PLD6: variants seen among roughly 807,000 people sequenced by gnomAD.
PLD6 encodes mitochondrial cardiolipin hydrolase.
In PLD6, 10 loss-of-function variants were observed where a neutral mutation model predicts 9.7. The ratio of observed to expected loss-of-function variants is 1.03; its 90% CI spans 0.64 to 1.75. The LOEUF is 1.75. PLD6 is among the 40% of genes most tolerant of loss of function. The pLI is 0.00. For missense variants in PLD6, 334 were observed against 347.6 expected, an observed-to-expected ratio of 0.96 and a Z score of 0.31; for synonymous variants, 152 against 159.2, an observed-to-expected ratio of 0.96 and a Z score of 0.34.
Position 17,202,372 on chromosome 17 carries a change from T to C in PLD6, c.*395A>G. Reference sequence around the variant, plus strand: ...CAGTCGTGCCACATGGAGAGAGGGATGAAATCTCAGGGAGATGCTGAAAGG... The same window carrying C: ...CAGTCGTGCCACATGGAGAGAGGGACGAAATCTCAGGGAGATGCTGAAAGG... On this transcript the variant is annotated 3_prime_UTR_variant, in exon 2 of 2. Transcript: ENST00000321560. The C allele has an allele frequency of 4.9e-6, 1 of 203,114 alleles. No individual in the cohort carries two copies. Among genetic ancestry groups the C allele is most frequent in the East Asian group, 1.2e-4 (1 of 8,672 alleles). 12.6% of individuals were successfully genotyped at this position (203,114 alleles called of 1,614,324 possible). A position where few individuals can be genotyped will look rare whatever the true frequency, so the allele number is the denominator to read the frequency against.
In PLD6 at chr17:17,206,230, AG is replaced by A; in HGVS notation, c.56del (p.Thr19IlefsTer30). 4 of 1,545,034 alleles carry A rather than the reference AG, an allele frequency of 2.6e-6. No homozygotes were observed. Among genetic ancestry groups the A allele is most frequent in the Non-Finnish European group, 3.5e-6 (4 of 1,156,684 alleles). On this transcript the variant is annotated frameshift_variant, in exon 1 of 2. Transcript: ENST00000321560. LOFTEE classifies it high-confidence loss of function. ...AAAAAVGLAL[T>X]LEALPWVLRW... ...GCAGCACCCAAGGCAGCGCCTCCAG[AG>A]TCAGAGCCAGGCCCACAGCCGCCGC...
Position 17,205,907 on chromosome 17 carries a change from T to C in PLD6, c.380A>G (p.Asp127Gly). The part of the protein sequence containing the change: ...GVRVRVVTDC[D>G]YMALNGSQIG... ...TTGCGAGCCGTTGAGGGCCATGTAG[T>C]CGCAGTCGGTGACGACCCGCACTCG... is the stretch of plus-strand genomic sequence containing the variant. Residue 127 changes from aspartate to glycine, a missense_variant, in exon 1 of 2, where the codon GAC (aspartate) becomes GGC (glycine). Physicochemically the swap from Asp to Gly is moderately conservative, Grantham distance 94 (BLOSUM62 -1). Coordinates refer to ENST00000321560, the MANE Select transcript of PLD6 (RefSeq NM_178836.4). The C allele has an allele frequency of 1.3e-6, 2 of 1,574,420 alleles. 1 individual carries two copies. Among genetic ancestry groups the C allele is most frequent in the Middle Eastern group, 3.3e-4 (2 of 6,016 alleles).
chr17:17,202,648 T>G lies in PLD6; in HGVS notation c.*119A>C. On this transcript the variant is annotated 3_prime_UTR_variant, in exon 2 of 2. Coordinates refer to ENST00000321560, the MANE Select transcript of PLD6 (RefSeq NM_178836.4). ...GAAATTTCCCTTTCCTAACCTTCTT[T>G]AGTTCAATTTAGTATTCTAATAGAC... 1.0e-6 allele frequency: 1 copy of G among 982,108 alleles called. No individual in the cohort carries two copies. Among genetic ancestry groups the G allele is most frequent in the Non-Finnish European group, 1.5e-6 (1 of 669,452 alleles). The allele number at this position is 982,108 out of a possible 1,614,324, so 60.8% of individuals were successfully genotyped here.
At position 17,202,692 on chromosome 17, in the gene PLD6, T is replaced by C. The variant is rs138353668; in HGVS notation, c.*75A>G. ...AATAGACGAGACTTTAGTTTAACGA[T>C]TTTTTTCTAGTGCCGAGGTCTCCCT... On this transcript the variant is annotated 3_prime_UTR_variant, in exon 2 of 2. Coordinates refer to ENST00000321560, the MANE Select transcript of PLD6 (RefSeq NM_178836.4). The C allele has an allele frequency of 1.3e-3, 1,829 of 1,408,648 alleles. 19 individuals are homozygous for C. The African/African-American group carries it at 0.023, about 17-fold the overall frequency. 87.3% of individuals were successfully genotyped at this position (1,408,648 alleles called of 1,614,324 possible). A position where few individuals can be genotyped will look rare whatever the true frequency, so the allele number is the denominator to read the frequency against.
In PLD6 at chr17:17,206,146, C is replaced by A; in HGVS notation, c.141G>T (p.Gln47His). ...GCAGCAGGGCCTCGGTACAGGTCAC[C>A]TGAGACGGGAAGAACAGCGCCTCGC... ...PRREALFFPSQVTCTEALLRA... is the reference protein window; with the variant it reads ...PRREALFFPSHVTCTEALLRA... Residue 47 changes from glutamine (Q) to histidine (H), a missense_variant, in exon 1 of 2, where the codon CAG becomes CAT. By Grantham distance (24) the Gln-to-His change is conservative. Transcript: ENST00000321560. 1 of 1,504,276 alleles carries A rather than the reference C, an allele frequency of 6.6e-7. No homozygotes were observed. The highest frequency in any genetic ancestry group is 8.8e-7 in the Non-Finnish European group (1 of 1,133,644). 93.2% of individuals were successfully genotyped at this position (1,504,276 alleles called of 1,614,324 possible). A position where few individuals can be genotyped will look rare whatever the true frequency, so the allele number is the denominator to read the frequency against.
rs967330821 is a variant in PLD6 at position 17,202,364 on chromosome 17, G to A, written c.*403C>T. The A allele has an allele frequency of 1.5e-5, 3 of 198,394 alleles. No homozygotes were observed. The highest frequency in any genetic ancestry group is 5.3e-5 in the Admixed American group (1 of 18,924). 12.3% of individuals were successfully genotyped at this position (198,394 alleles called of 1,614,324 possible). A position where few individuals can be genotyped will look rare whatever the true frequency, so the allele number is the denominator to read the frequency against. On this transcript the variant is annotated 3_prime_UTR_variant, in exon 2 of 2. Coordinates refer to ENST00000321560, the MANE Select transcript of PLD6 (RefSeq NM_178836.4). ...ACCAACCCCAGTCGTGCCACATGGAGAGAGGGATGAAATCTCAGGGAGATG... is the reference window on the plus strand; with the variant it reads ...ACCAACCCCAGTCGTGCCACATGGAAAGAGGGATGAAATCTCAGGGAGATG...
Position 17,201,218 on chromosome 17 carries a change from C to G in PLD6, c.*1549G>C, listed in dbSNP as rs2046671586. 6.6e-6 allele frequency: 1 copy of G among 152,258 alleles called. No individual in the cohort carries two copies. 9.4% of individuals were successfully genotyped at this position (152,258 alleles called of 1,614,324 possible). On this transcript the variant is annotated 3_prime_UTR_variant, in exon 2 of 2. Transcript: ENST00000321560. ...AACTTCCAAGCTGGCTTGCCTAACACTGTGAGTCAAAAGTAACCCTAAAAA... is the reference window on the plus strand; with the variant it reads ...AACTTCCAAGCTGGCTTGCCTAACAGTGTGAGTCAAAAGTAACCCTAAAAA...
intron 1 of PLD6, 31 bp from the exon 2 acceptor site, chr17:17,203,129 T>C (rs1167417898): frequency 3.1e-6 from 5 of 1,597,364 alleles, no homozygotes; most frequent in Non-Finnish European, 3.4e-6. Context: ...TTTCATTCCA[T>C]GCAGGAGTCC....
chr17:17,203,245 G>A (rs756758567), intron 1 of PLD6, 147 bp from the exon 2 acceptor site: 9 of 802,260 alleles, frequency 1.1e-5, no homozygotes, highest in Non-Finnish European at 1.4e-5. Context: ...TGGCGGCTAA[G>A]CTCCCAGGAG....
chr17:17,206,109 C>A lies in PLD6; in HGVS notation c.178G>T (p.Ala60Ser), dbSNP rs1690672612. The A allele has an allele frequency of 6.8e-7, 1 of 1,479,444 alleles. No homozygotes were observed. The highest frequency in any genetic ancestry group is 2.8e-5 in the East Asian group (1 of 35,724). The allele number at this position is 1,479,444 out of a possible 1,614,324, so 91.6% of individuals were successfully genotyped here. The change falls in exon 1 of 2, where the codon GCG (alanine) becomes TCG (serine). Residue 60 changes from alanine (A) to serine (S), a missense_variant. Physicochemically the swap from Ala to Ser is moderately conservative, Grantham distance 99. Transcript: ENST00000321560. ...CTEALLRAPG[A>S]ELAELPEGCP... ...CCCTCGGGGAGCTCGGCCAGCTCCG[C>A]GCCCGGAGCCCGCAGCAGGGCCTCG... is the stretch of plus-strand genomic sequence containing the variant.
chr17:17,202,544 G>A lies in PLD6; in HGVS notation c.*223C>T, dbSNP rs902782425. On this transcript the variant is annotated 3_prime_UTR_variant, in exon 2 of 2. Transcript: ENST00000321560. ...CGGACCACACTCATGAAAGCACCCC[G>A]TGGCAGGTCGTGACTGAAGTTATTT... 29 of 565,768 alleles carry A rather than the reference G, an allele frequency of 5.1e-5. No homozygotes were observed. Among genetic ancestry groups the A allele is most frequent in the African/African-American group, 1.3e-4 (7 of 53,240 alleles). 35.0% of individuals were successfully genotyped at this position (565,768 alleles called of 1,614,324 possible). A position where few individuals can be genotyped will look rare whatever the true frequency, so the allele number is the denominator to read the frequency against.
At chr17:17,203,623 C>A (rs999422561) in intron 1 of PLD6, among the ~76,000 whole-genome samples, 13 of 152,192 alleles carry the variant, frequency 8.5e-5, no homozygotes, top group Non-Finnish European at 1.5e-5. Context: ...TCTTCCGCAC[C>A]CCCCTGCTTC....
chr17:17,204,964 C>T (rs1194932027), intron 1 of PLD6, among the ~76,000 whole-genome samples: 1 of 152,134 alleles, frequency 6.6e-6, no homozygotes, highest in Non-Finnish European at 1.5e-5. Context: ...CACTGCCCAG[C>T]CTGGACAATT....
chr17:17,205,946 T>C lies in PLD6; in HGVS notation c.341A>G (p.His114Arg). The C allele has an allele frequency of 6.4e-7, 1 of 1,561,344 alleles. No individual in the cohort carries two copies. The highest frequency in any genetic ancestry group is 8.7e-7 in the Non-Finnish European group (1 of 1,154,018). Reference protein sequence around the residue: ...PQLGRAVQLLHQRGVRVRVVT... With the variant: ...PQLGRAVQLLRQRGVRVRVVT... ...GACCCGCACTCGCACCCCACGCTGG[T>C]GCAGCAACTGCACGGCGCGGCCCAG... The change falls in exon 1 of 2, where the codon CAC becomes CGC. Residue 114 changes from histidine to arginine, a missense_variant. By Grantham distance (29) the His-to-Arg change is conservative. Transcript: ENST00000321560.
chr17:17,204,766 G>C (rs996790645), intron 1 of PLD6, among the ~76,000 whole-genome samples: 1 of 152,164 alleles, frequency 6.6e-6, no homozygotes, highest in African/African-American at 2.4e-5. Context: ...AGCTCTTGTG[G>C]CTGCCCCAAA....
intron 1 of PLD6, among the ~76,000 whole-genome samples, chr17:17,204,074 C>A (rs753041333): frequency 9.9e-5 from 15 of 152,158 alleles, no homozygotes; most frequent in Non-Finnish European, 1.6e-4. Context: ...TCGGCACAGC[C>A]CTCCAAACAC....
Position 17,202,669 on chromosome 17 carries a change from T to C in PLD6, c.*98A>G, listed in dbSNP as rs767655024. ...TCTTTAGTTCAATTTAGTATTCTAA[T>C]AGACGAGACTTTAGTTTAACGATTT... is the stretch of plus-strand genomic sequence containing the variant. On this transcript the variant is annotated 3_prime_UTR_variant, in exon 2 of 2. Coordinates refer to ENST00000321560, the MANE Select transcript of PLD6 (RefSeq NM_178836.4). 2.1e-5 allele frequency: 24 copies of C among 1,165,372 alleles called. No individual in the cohort carries two copies. The highest frequency in any genetic ancestry group is 2.6e-5 in the Non-Finnish European group (21 of 821,812). The allele number at this position is 1,165,372 out of a possible 1,614,324, so 72.2% of individuals were successfully genotyped here. A position where few individuals can be genotyped will look rare whatever the true frequency, so the allele number is the denominator to read the frequency against.
chr17:17,205,396 G>A (rs2046708808), intron 1 of PLD6, among the ~76,000 whole-genome samples: 1 of 152,156 alleles, frequency 6.6e-6, no homozygotes, highest in Admixed American at 6.5e-5. Flanking sequence ...CTTCAGTCTG[G>A]AAGTCCAAGC....
In PLD6 at chr17:17,203,285, C is replaced by T. The variant is rs370282805; in HGVS notation, c.428-187G>A. ...GCTGAGAACCACAGAGGGGACATCA[C>T]ACACAGGGCCAGAGCGTCACACACA... On this transcript the variant is annotated intron_variant, in intron 1 of 1. Transcript: ENST00000321560. Among the ~76,000 whole-genome samples, 5 of 152,326 alleles carry T rather than the reference C, an allele frequency of 3.3e-5. No homozygotes were observed. The East Asian group carries it at 9.6e-4, about 29-fold the overall frequency.
Sources: gnomAD v4.1 joint callset for allele counts (sites outside exome capture counted in the v4.1 genomes callset) on GRCh38, gnomAD v4.1.1 for gene constraint, MANE v1.5 for transcripts, NCBI Gene and HGNC (gene_info 2026-07-23, HGNC 2026-07-21) for gene names.